NSDHL: variants seen among roughly 807,000 people sequenced by gnomAD.
The protein encoded by NSDHL is sterol-4-alpha-carboxylate 3-dehydrogenase, decarboxylating.
NSDHL carries 1 observed loss-of-function variant against 23.0 expected under a neutral mutation model. That is an observed-to-expected ratio of 0.04 (90% confidence interval 0.02 to 0.21). NSDHL has a LOEUF of 0.21. Among genes scored for constraint, NSDHL ranks in the 10% least tolerant of loss-of-function variants. The probability of loss-of-function intolerance (pLI) is 1.00; values close to 1 mark genes in which losing one functional copy is unlikely to be tolerated. For missense variants in NSDHL, 237 were observed against 300.9 expected (o/e 0.79, Z 1.57); for synonymous variants, 128 against 121.1 (o/e 1.06, Z -0.37).
chrX:152,833,052 C>CAA (rs1933038438), intron 1 of NSDHL, among the ~76,000 whole-genome samples: 1 of 111,313 alleles, frequency 9.0e-6, no homozygotes, highest in Admixed American at 9.5e-5. Context: ...GATCCACTTT[C>CAA]ACTCAGTGAA....
intron 1 of NSDHL, among the ~76,000 whole-genome samples, chrX:152,845,867 G>A (rs1248839826): frequency 8.9e-6 from 1 of 112,437 alleles, no homozygotes; most frequent in African/African-American, 3.2e-5. Context: ...CGTACAGTTC[G>A]TGATAGGCCC....
chrX:152,844,259 A>ACCTG (rs1161405564), intron 1 of NSDHL, among the ~76,000 whole-genome samples: 2 of 112,525 alleles, frequency 1.8e-5, no homozygotes, highest in Non-Finnish European at 3.8e-5. Flanking sequence ...CCCGAGGGCT[A>ACCTG]CCTGCTGGTA....
intron 7 of NSDHL, among the ~76,000 whole-genome samples, chrX:152,868,241 G>A (rs1467235759): frequency 4.6e-5 from 5 of 108,405 alleles, no homozygotes; most frequent in African/African-American, 1.4e-4. Flanking sequence ...TGGTTCAAGC[G>A]ATTCTCATGC....
intron 2 of NSDHL, among the ~76,000 whole-genome samples, chrX:152,848,744 T>C (rs1037583292): frequency 1.8e-5 from 2 of 112,142 alleles, no homozygotes; most frequent in Non-Finnish European, 3.8e-5. Flanking sequence ...GAAATCCAGG[T>C]TGGGAAACAG....
chrX:152,844,692 C>G (rs1242032816), intron 1 of NSDHL, among the ~76,000 whole-genome samples: 2 of 112,597 alleles, frequency 1.8e-5, no homozygotes, highest in Non-Finnish European at 3.8e-5. Context: ...GCCCCTGCAC[C>G]TTAGATGGGA....
intron 3 of NSDHL, among the ~76,000 whole-genome samples, chrX:152,857,348 C>T (rs192924299): frequency 8.9e-5 from 10 of 112,249 alleles, no homozygotes; most frequent in African/African-American, 2.6e-4. Context: ...ATCATCACCA[C>T]GTGCTCCAAC....
intron 3 of NSDHL, among the ~76,000 whole-genome samples, chrX:152,851,580 C>T (rs1321061572): frequency 1.8e-5 from 2 of 111,132 alleles, no homozygotes; most frequent in Non-Finnish European, 1.9e-5. Flanking sequence ...TTTTCTCTCC[C>T]GTGCTGCCCA....
At chrX:152,849,149 G>T (rs1173269508) in intron 2 of NSDHL, among the ~76,000 whole-genome samples, 1 of 112,178 alleles carries the variant, frequency 8.9e-6, no homozygotes, top group Non-Finnish European at 1.9e-5. Flanking sequence ...ATCTAGAGAG[G>T]ATGTCTGGCC....
intron 1 of NSDHL, among the ~76,000 whole-genome samples, chrX:152,841,178 C>T (rs1334191075): frequency 8.9e-6 from 1 of 112,548 alleles, no homozygotes; most frequent in African/African-American, 3.2e-5. Context: ...AGTATTTGAG[C>T]GGGAGTGTCC....
intron 2 of NSDHL, 53 bp downstream of exon 2, chrX:152,846,485 G>A (rs1368895638): frequency 1.2e-6 from 1 of 823,037 alleles, no homozygotes. Flanking sequence ...ATTTACCTGT[G>A]GGTGAAAAAT....
Position 152,865,944 on chromosome X carries a change from G to A in NSDHL, c.669G>A (p.Lys223=). 1 of 1,212,396 alleles carries A rather than the reference G, an allele frequency of 8.2e-7. No individual in the cohort carries two copies. The highest frequency in any genetic ancestry group is 1.1e-6 in the Non-Finnish European group (1 of 895,596). The change falls in exon 6 of 8, where the codon AAG becomes AAA. Residue 223 remains lysine, a synonymous_variant. Coordinates refer to ENST00000370274, the MANE Select transcript of NSDHL (RefSeq NM_015922.3). ...TCATCGAGGCAGCCAGGAACGGCAAGATGAAGTTCGTGATTGGGTGAGTCA... is the reference window on the plus strand; with the variant it reads ...TCATCGAGGCAGCCAGGAACGGCAAAATGAAGTTCGTGATTGGGTGAGTCA... ...PILIEAARNG[K]MKFVIGNGKN...
intron 1 of NSDHL, among the ~76,000 whole-genome samples, chrX:152,833,647 C>G (rs113259034): frequency 0.047 from 5,323 of 112,079 alleles, 323 homozygotes; most frequent in African/African-American, 0.16. Flanking sequence ...TTCAGGACAC[C>G]ATGCGCTCTG....
chrX:152,840,298 C>T (rs782093755), intron 1 of NSDHL, among the ~76,000 whole-genome samples: 7 of 112,342 alleles, frequency 6.2e-5, no homozygotes, highest in Admixed American at 2.8e-4. Flanking sequence ...CTGAAGCCTA[C>T]TTCTGTCAAC....
At chrX:152,842,688 G>C (rs782114290) in intron 1 of NSDHL, among the ~76,000 whole-genome samples, 12 of 110,832 alleles carry the variant, frequency 1.1e-4, no homozygotes, top group African/African-American at 3.9e-4. Context: ...TTTTAGTAGA[G>C]ACGGGGTTTC....
At chrX:152,854,844 A>ACCC (rs782087073) in intron 3 of NSDHL, among the ~76,000 whole-genome samples, 2 of 105,646 alleles carry the variant, frequency 1.9e-5, no homozygotes, top group African/African-American at 7.0e-5. Context: ...ACATAACAAG[A>ACCC]CCCCCCCCAT....
intron 1 of NSDHL, among the ~76,000 whole-genome samples, chrX:152,844,784 A>G (rs782022319): frequency 4.7e-4 from 53 of 112,352 alleles, no homozygotes; most frequent in African/African-American, 1.6e-3. Context: ...CCCGGCCGAT[A>G]TGTGAGTGCC....
rs1933193047 is a variant in NSDHL, at chrX:152,841,542, G to A, written c.-43-4740G>A. On this transcript the variant is annotated intron_variant, in intron 1 of 7. Coordinates refer to ENST00000370274, the MANE Select transcript of NSDHL (RefSeq NM_015922.3). ...TCCATGGGCCTGTGGTGTGGGGCAA[G>A]GTGGTTGGATTTCACCAGTACAACA... Among the ~76,000 whole-genome samples, 3 of 112,467 alleles carry A rather than the reference G, an allele frequency of 2.7e-5. No homozygotes were observed. In the Admixed American group the frequency reaches 2.8e-4, roughly 11 times the overall value.
intron 1 of NSDHL, among the ~76,000 whole-genome samples, chrX:152,834,290 A>G (rs1439691135): frequency 8.8e-6 from 1 of 113,153 alleles, no homozygotes; most frequent in Non-Finnish European, 1.9e-5. Context: ...GCAGAGGAAC[A>G]GCGTAAGCTA....
intron 3 of NSDHL, among the ~76,000 whole-genome samples, chrX:152,851,927 C>G (rs1214079059): frequency 3.6e-5 from 4 of 111,183 alleles, no homozygotes; most frequent in African/African-American, 9.8e-5. Flanking sequence ...CCTGTCATCA[C>G]CAGTAAGCAC....
Sources: allele counts gnomAD v4.1 joint callset (sites outside exome capture counted in the v4.1 genomes callset), GRCh38; gene constraint gnomAD v4.1.1; transcripts MANE v1.5; gene names NCBI Gene and HGNC (gene_info 2026-07-23, HGNC 2026-07-21).